NEK4: variants seen among roughly 807,000 people sequenced by gnomAD.
NEK4 encodes the protein serine/threonine-protein kinase Nek4.
In NEK4, 86 loss-of-function variants were observed where a neutral mutation model predicts 98.4. The ratio of observed to expected loss-of-function variants is 0.87; its 90% CI spans 0.73 to 1.05. The LOEUF (loss-of-function observed/expected upper bound fraction) is 1.05. Ranked by LOEUF, NEK4 falls within the 50% of genes least tolerant of loss-of-function variation. The pLI, the probability that NEK4 is intolerant of heterozygous loss-of-function variation, is 0.00. For synonymous variants in NEK4, 328 were observed against 342.2 expected (o/e 0.96, Z 0.46); for missense variants, 898 against 950.3 (o/e 0.94, Z 0.72).
Position 52,711,781 on chromosome 3 carries a change from A to G in NEK4, c.2522T>C (p.Phe841Ser). 1 of 1,602,210 alleles carries G rather than the reference A, an allele frequency of 6.2e-7. No individual in the cohort carries two copies. The highest frequency in any genetic ancestry group is 8.5e-7 in the Non-Finnish European group (1 of 1,170,080). ...QLKFFEENMN[F>S] ...GCAGCAGATTAGGACAAATGCTCAA[A>G]AATTCATGTTTTCTTCAAAAAATTT... is the stretch of plus-strand genomic sequence containing the variant. The change falls in exon 16 of 16, where the codon TTT becomes TCT. Residue 841 changes from phenylalanine to serine, a missense_variant. Physicochemically the swap from Phe to Ser is radical, Grantham distance 155. Transcript: ENST00000233027.
At chr3:52,752,874 T>TG (rs2097407677) in intron 6 of NEK4, among the ~76,000 whole-genome samples, 1 of 125,672 alleles carries the variant, frequency 8.0e-6, no homozygotes, top group Non-Finnish European at 1.6e-5. Context: ...CACTCCAGCC[T>TG]GGGCAACAGG....
Position 52,760,895 on chromosome 3 carries a change from G to T in NEK4, c.863C>A (p.Ser288Tyr). 1 of 1,594,984 alleles carries T rather than the reference G, an allele frequency of 6.3e-7. No individual in the cohort carries two copies. Among genetic ancestry groups the T allele is most frequent in the East Asian group, 2.2e-5 (1 of 44,806 alleles). Residue 288 changes from serine (S) to tyrosine (Y), a missense_variant, in exon 6 of 16, where the codon TCC becomes TAC. Physicochemically the swap from Ser to Tyr is moderately radical, Grantham distance 144. Coordinates refer to ENST00000233027, the MANE Select transcript of NEK4 (RefSeq NM_003157.6). The part of the protein sequence containing the change: ...KNNIKNGDSQ[S>Y]KPFATVVSGE... ...AGAAACCACTGTAGCAAAAGGCTTG[G>T]ATTGAGAGTCACCATTTTTAATGTT...
At position 52,766,347 on chromosome 3, in the gene NEK4, C is replaced by T. The variant is rs1195464703; in HGVS notation, c.389G>A (p.Arg130Gln). 17 of 1,613,554 alleles carry T rather than the reference C, an allele frequency of 1.1e-5. No individual in the cohort carries two copies. The highest frequency in any genetic ancestry group is 1.4e-5 in the Non-Finnish European group (16 of 1,179,642). ...GAAGACATTTTGAGTTTTCAGATCTCGATGAAGGATGTGTTTTTCATGTAA... is the reference window on the plus strand; with the variant it reads ...GAAGACATTTTGAGTTTTCAGATCTTGATGAAGGATGTGTTTTTCATGTAA... The part of the protein sequence containing the change: ...QYLHEKHILH[R>Q]DLKTQNVFLT... Residue 130 changes from arginine (R) to glutamine (Q), a missense_variant, in exon 3 of 16, where the codon CGA becomes CAA. Physicochemically the swap from Arg to Gln is conservative, Grantham distance 43. Transcript: ENST00000233027.
intron 15 of NEK4, among the ~76,000 whole-genome samples, chr3:52,735,389 A>C (rs1457993270): frequency 1.3e-5 from 2 of 152,244 alleles, no homozygotes; most frequent in Non-Finnish European, 2.9e-5. Flanking sequence ...ATATTACTTT[A>C]AGATCACTTG....
rs760130513 is a variant in NEK4 at position 52,760,828 on chromosome 3, TG to T, written c.929del (p.Pro310HisfsTer11). On this transcript the variant is annotated frameshift_variant, in exon 6 of 16. Coordinates refer to ENST00000233027, the MANE Select transcript of NEK4 (RefSeq NM_003157.6). LOFTEE classifies it high-confidence loss of function. The part of the protein sequence containing the change: ...ESNHEVIHPQ[P>X]LSSEGSQTYI... Reference sequence around the variant, plus strand: ...ATGTCTGGGAGCCCTCAGAAGAGAGTGGTTGGGGGTGGATTACTTCATGATT... The same window carrying T: ...ATGTCTGGGAGCCCTCAGAAGAGAGTGTTGGGGGTGGATTACTTCATGATT... 1 of 1,609,184 alleles carries T rather than the reference TG, an allele frequency of 6.2e-7. No individual in the cohort carries two copies. The highest frequency in any genetic ancestry group is 1.1e-5 in the South Asian group (1 of 90,612).
At chr3:52,770,588 A>T in intron 1 of NEK4, 66 bp downstream of exon 1, 1 of 1,250,606 alleles carries the variant, frequency 8.0e-7, no homozygotes, top group Non-Finnish European at 1.1e-6. Context: ...GACCTAATCT[A>T]CCGGTCGGCG....
At chr3:52,751,183 C>T (rs772732343) in intron 7 of NEK4, among the ~76,000 whole-genome samples, 3 of 152,136 alleles carry the variant, frequency 2.0e-5, no homozygotes, top group Non-Finnish European at 2.9e-5. Flanking sequence ...CGGCCGAGTG[C>T]GGTGGCTCAT....
intron 15 of NEK4, among the ~76,000 whole-genome samples, chr3:52,716,474 A>G (rs1367679653): frequency 1.3e-5 from 2 of 152,194 alleles, no homozygotes; most frequent in African/African-American, 2.4e-5. Flanking sequence ...CTTTCATCTG[A>G]AGTAACCTGA....
chr3:52,753,815 T>A, intron 6 of NEK4: 1 of 462,174 alleles, frequency 2.2e-6, no homozygotes, highest in Non-Finnish European at 4.3e-6. Context: ...TGTGCAGCCA[T>A]CTTATCCCTC....
intron 14 of NEK4, 93 bp from the exon 15 acceptor site, chr3:52,737,812 T>C: frequency 1.1e-6 from 1 of 920,724 alleles, no homozygotes; most frequent in East Asian, 2.8e-5. Context: ...TATTTTATTT[T>C]ATTTATTTAT....
intron 15 of NEK4, among the ~76,000 whole-genome samples, chr3:52,717,623 T>G (rs1273567021): frequency 2.6e-5 from 4 of 151,936 alleles, no homozygotes; most frequent in South Asian, 2.1e-4. Context: ...TCCATAGCCA[T>G]GCTCACAAAC....
intron 15 of NEK4, among the ~76,000 whole-genome samples, chr3:52,726,257 C>T (rs2097364445): frequency 6.6e-6 from 1 of 152,052 alleles, no homozygotes. Context: ...TTCAATACCC[C>T]ACTCTCAATA....
chr3:52,729,744 C>CAA (rs563723629), intron 15 of NEK4, among the ~76,000 whole-genome samples: 10 of 93,450 alleles, frequency 1.1e-4, no homozygotes, highest in African/African-American at 2.9e-4. Context: ...CTTGACTAGC[C>CAA]AAAAAAAAAA....
At chr3:52,731,490 A>C (rs1446298466) in intron 15 of NEK4, among the ~76,000 whole-genome samples, 1 of 152,244 alleles carries the variant, frequency 6.6e-6, no homozygotes, top group Non-Finnish European at 1.5e-5. Flanking sequence ...AATAGAAATG[A>C]GAGTCCAGAA....
At chr3:52,715,142 A>G (rs576941960) in intron 15 of NEK4, among the ~76,000 whole-genome samples, 77 of 152,342 alleles carry the variant, frequency 5.1e-4, no homozygotes, top group African/African-American at 1.8e-3. Flanking sequence ...CCCATAGACC[A>G]GAGTGGGAAC....
intron 15 of NEK4, 31 bp from the exon 16 acceptor site, chr3:52,711,900 G>A (rs769906051): frequency 8.0e-7 from 1 of 1,249,550 alleles, no homozygotes; most frequent in Non-Finnish European, 1.2e-6. Context: ...AAATCAATCA[G>A]TATGTAGTAG....
chr3:52,737,907 A>G (rs2097379052), intron 14 of NEK4, among the ~76,000 whole-genome samples, 188 bp from the exon 15 acceptor site: 1 of 151,800 alleles, frequency 6.6e-6, no homozygotes, highest in Non-Finnish European at 1.5e-5. Flanking sequence ...TCCACCCCCT[A>G]GGTTCATGCC....
chr3:52,770,303 G>A (rs530275826), intron 1 of NEK4, among the ~76,000 whole-genome samples: 1 of 151,908 alleles, frequency 6.6e-6, no homozygotes, highest in South Asian at 2.1e-4. Context: ...GCATGATACC[G>A]GCTCTCATGA....
At chr3:52,717,265 G>A (rs2097355903) in intron 15 of NEK4, among the ~76,000 whole-genome samples, 1 of 151,974 alleles carries the variant, frequency 6.6e-6, no homozygotes, top group African/African-American at 2.4e-5. Flanking sequence ...AAATTGGCTG[G>A]GTGTGGTGGT....
Sources: allele counts gnomAD v4.1 joint callset (sites outside exome capture counted in the v4.1 genomes callset), GRCh38; gene constraint gnomAD v4.1.1; transcripts MANE v1.5; gene names NCBI Gene and HGNC (gene_info 2026-07-23, HGNC 2026-07-21).